The following NEO1 variants were observed in gnomAD, a reference collection of about 807,000 sequenced individuals.
NEO1 encodes the protein neogenin 1, also known as neogenin.
Under a neutral mutation model 159.7 loss-of-function variants are expected in NEO1, and 63 were observed. The observed-to-expected ratio is 0.39, with a 90% CI of 0.32 to 0.49. The LOEUF is 0.49. Ranked by LOEUF, NEO1 falls within the 20% of genes least tolerant of loss-of-function variation. The pLI, the probability that NEO1 is intolerant of heterozygous loss-of-function variation, is 0.85. For synonymous variants in NEO1, 633 were observed against 662.0 expected, an observed-to-expected ratio of 0.96 and a Z score of 0.67; for missense variants, 1,615 against 1,831.0, an observed-to-expected ratio of 0.88 and a Z score of 2.15.
chr15:73,232,805 A>G (rs1305409397), intron 7 of NEO1, among the ~76,000 whole-genome samples: 1 of 152,114 alleles, frequency 6.6e-6, no homozygotes, highest in Non-Finnish European at 1.5e-5. Context: ...TCTAATTGAC[A>G]ACACTCCATA....
chr15:73,236,801 G>C (rs988215220), intron 8 of NEO1, among the ~76,000 whole-genome samples: 1 of 152,170 alleles, frequency 6.6e-6, no homozygotes, highest in African/African-American at 2.4e-5. Context: ...ATAAATTCTA[G>C]AGATTAAGGT....
intron 7 of NEO1, among the ~76,000 whole-genome samples, chr15:73,214,623 T>C (rs1173297269): frequency 5.3e-5 from 8 of 152,216 alleles, no homozygotes; most frequent in Admixed American, 3.9e-4. Flanking sequence ...TTCTGTTCCA[T>C]TGGTCTGTGT....
chr15:73,121,755 G>T (rs955620413), intron 2 of NEO1, among the ~76,000 whole-genome samples: 2 of 152,046 alleles, frequency 1.3e-5, no homozygotes, highest in Non-Finnish European at 2.9e-5. Context: ...GTCTTATTCA[G>T]TGGGTTATAA....
rs756538086 is a variant in NEO1, at chr15:73,279,348, TTGG to T, written c.3262+1151_3262+1153del. Among the ~76,000 whole-genome samples the T allele has an allele frequency of 5.1e-4, 58 of 112,700 alleles. 6 individuals carry two copies. Among genetic ancestry groups the T allele is most frequent in the Non-Finnish European group, 5.5e-4 (26 of 47,114 alleles). 73.9% of individuals were successfully genotyped at this position (112,700 alleles called of 152,430 possible). A position where few individuals can be genotyped will look rare whatever the true frequency, so the allele number is the denominator to read the frequency against. ...TGCATGTTTTTTTGTTGTTTTGGTT[TTGG>T]TTTTTTTTTTTTTTTGAGATGGAAT... On this transcript the variant is annotated intron_variant, in intron 22 of 28. Coordinates refer to ENST00000261908, the MANE Select transcript of NEO1 (RefSeq NM_002499.4).
At position 73,241,933 on chromosome 15, in the gene NEO1, T is replaced by G. The variant is rs141309692; in HGVS notation, c.1452-2411T>G. On this transcript the variant is annotated intron_variant, in intron 8 of 28. Coordinates refer to ENST00000261908, the MANE Select transcript of NEO1 (RefSeq NM_002499.4). ...CTTTCACATAGAAGCAAACAAAAAA[T>G]ATATATATGATATTAGTATACAAGA... Among the ~76,000 whole-genome samples, 5 of 152,228 alleles carry G rather than the reference T, an allele frequency of 3.3e-5. No homozygotes were observed. In the East Asian group the frequency reaches 9.7e-4, roughly 29 times the overall value.
At chr15:73,098,081 C>T (rs1360100444) in intron 1 of NEO1, among the ~76,000 whole-genome samples, 2 of 105,630 alleles carry the variant, frequency 1.9e-5, no homozygotes, top group African/African-American at 6.9e-5. Flanking sequence ...CTTTATCCCA[C>T]AACACACACA....
At chr15:73,225,251 G>A (rs1253028416) in intron 7 of NEO1, among the ~76,000 whole-genome samples, 1 of 152,146 alleles carries the variant, frequency 6.6e-6, no homozygotes, top group African/African-American at 2.4e-5. Context: ...AGCTTTGGTG[G>A]TTTAATGCTC....
rs182301931 is a variant in NEO1, at chr15:73,086,247, G to A, written c.131-30293G>A. 3.9e-3 allele frequency among the ~76,000 whole-genome samples: 596 copies of A among 152,232 alleles called. 2 individuals carry two copies. Among genetic ancestry groups the A allele is most frequent in the Non-Finnish European group, 6.0e-3 (405 of 68,018 alleles). On this transcript the variant is annotated intron_variant, in intron 1 of 28. Transcript: ENST00000261908. ...AAATCAGTTGACCATAGTTGTGTGG[G>A]TCTACTTCTGTGTTCTCTGTTTGGT... is the stretch of plus-strand genomic sequence containing the variant.
chr15:73,243,179 G>T (rs1456611088), intron 8 of NEO1, among the ~76,000 whole-genome samples: 1 of 151,524 alleles, frequency 6.6e-6, no homozygotes, highest in Non-Finnish European at 1.5e-5. Context: ...TGTAAATATT[G>T]TGTGGGTACT....
intron 7 of NEO1, among the ~76,000 whole-genome samples, chr15:73,185,162 T>C (rs533562578): frequency 2.0e-5 from 3 of 152,064 alleles, no homozygotes; most frequent in Non-Finnish European, 2.9e-5. Context: ...AGAACACAGA[T>C]GTTTATGGCA....
At chr15:73,253,490 C>G in intron 12 of NEO1, 41 bp downstream of exon 12, 2 of 1,431,266 alleles carry the variant, frequency 1.4e-6, no homozygotes, top group Non-Finnish European at 9.6e-7. Context: ...TACTGGTATA[C>G]TGTTGCGCCT....
intron 7 of NEO1, among the ~76,000 whole-genome samples, chr15:73,194,154 G>C (rs2036394938): frequency 6.6e-6 from 1 of 152,112 alleles, no homozygotes; most frequent in South Asian, 2.1e-4. Context: ...ACTTTAAGAG[G>C]ATTAATTTAT....
In NEO1 at chr15:73,100,501, A is replaced by T. The variant is rs2070342267; in HGVS notation, c.131-16039A>T. Among the ~76,000 whole-genome samples the T allele has an allele frequency of 3.3e-5, 5 of 151,728 alleles. No individual in the cohort carries two copies. In the South Asian group the frequency reaches 1.0e-3, roughly 32 times the overall value. Reference sequence around the variant, plus strand: ...AGGTGTGTGCCACCATGCCCAGCTGATTTTTGTATTTTTTGTAGAGATGGG... The same window carrying T: ...AGGTGTGTGCCACCATGCCCAGCTGTTTTTTGTATTTTTTGTAGAGATGGG... On this transcript the variant is annotated intron_variant, in intron 1 of 28. Coordinates refer to ENST00000261908, the MANE Select transcript of NEO1 (RefSeq NM_002499.4).
chr15:73,189,818 A>G (rs1424160028), intron 7 of NEO1, among the ~76,000 whole-genome samples: 1 of 152,218 alleles, frequency 6.6e-6, no homozygotes, highest in Non-Finnish European at 1.5e-5. Flanking sequence ...TCACTGGAAA[A>G]CAGAATTTCT....
intron 5 of NEO1, among the ~76,000 whole-genome samples, chr15:73,161,486 T>C (rs544062208): frequency 6.6e-6 from 1 of 152,338 alleles, no homozygotes; most frequent in Non-Finnish European, 1.5e-5. Context: ...GGTTATTTCA[T>C]GTGTACATTC....
chr15:73,235,396 A>G (rs2039116656), intron 7 of NEO1, among the ~76,000 whole-genome samples: 1 of 152,180 alleles, frequency 6.6e-6, no homozygotes, highest in African/African-American at 2.4e-5. Context: ...AAATTCTACT[A>G]TCAGGACTGT....
intron 11 of NEO1, among the ~76,000 whole-genome samples, chr15:73,252,147 A>C (rs1191493484): frequency 6.6e-6 from 1 of 152,236 alleles, no homozygotes; most frequent in Non-Finnish European, 1.5e-5. Context: ...GGAGCAAGAC[A>C]CATTCTCTTG....
intron 1 of NEO1, among the ~76,000 whole-genome samples, chr15:73,072,143 G>T (rs1305271737): frequency 2.6e-5 from 4 of 152,016 alleles, no homozygotes; most frequent in Admixed American, 6.6e-5. Context: ...TAGAGACAGG[G>T]TTTCACCATT....
chr15:73,262,554 A>G (rs187294547), intron 15 of NEO1, among the ~76,000 whole-genome samples: 54 of 152,288 alleles, frequency 3.5e-4, no homozygotes, highest in Admixed American at 3.1e-3. Context: ...CCACAATGAA[A>G]TGCTATTGCA....
Sources: gnomAD v4.1 joint callset for allele counts (sites outside exome capture counted in the v4.1 genomes callset) on GRCh38, gnomAD v4.1.1 for gene constraint, MANE v1.5 for transcripts, NCBI Gene and HGNC (gene_info 2026-07-23, HGNC 2026-07-21) for gene names.